Variants in GRM5 observed in about 807,000 individuals in gnomAD.
GRM5 encodes metabotropic glutamate receptor 5.
GRM5 carries 19 observed loss-of-function variants against 83.1 expected under a neutral mutation model. The observed-to-expected ratio is 0.23, with a 90% confidence interval of 0.16 to 0.34. GRM5 has a LOEUF of 0.34. Among genes scored for constraint, GRM5 ranks in the 10% least tolerant of loss-of-function variants. GRM5 has a pLI of 1.00. For synonymous variants in GRM5, 675 were observed against 633.6 expected (o/e 1.07, Z -0.98); for missense variants, 1,160 against 1,588.3 (o/e 0.73, Z 4.58).
Position 88,591,855 on chromosome 11 carries a change from A to T in GRM5, c.1564-1128T>A, listed in dbSNP as rs1172739856. On this transcript the variant is annotated intron_variant, in intron 6 of 9. Coordinates refer to ENST00000305447, the MANE Select transcript of GRM5 (RefSeq NM_001143831.3). ...CTTAGACCTGATTAAAGTATTCTTC[A>T]TAATAATATCGACTATTTCCAGGCT... Among the ~76,000 whole-genome samples the T allele has an allele frequency of 2.6e-5, 4 of 152,368 alleles. No homozygotes were observed. The East Asian group carries it at 7.7e-4, about 29-fold the overall frequency.
chr11:88,932,763 T>C (rs1937756999), intron 2 of GRM5, among the ~76,000 whole-genome samples: 1 of 151,898 alleles, frequency 6.6e-6, no homozygotes, highest in Admixed American at 6.6e-5. Context: ...CTATATCACA[T>C]TGGCTCACTT....
At chr11:88,904,834 C>T (rs967516059) in intron 2 of GRM5, among the ~76,000 whole-genome samples, 7 of 152,050 alleles carry the variant, frequency 4.6e-5, no homozygotes, top group Non-Finnish European at 1.0e-4. Context: ...TAGGGAATAC[C>T]ATTCAATTCA....
intron 2 of GRM5, among the ~76,000 whole-genome samples, chr11:88,875,564 T>C (rs1944839396): frequency 6.6e-6 from 1 of 152,066 alleles, no homozygotes; most frequent in Non-Finnish European, 1.5e-5. Flanking sequence ...TGTTGAATCC[T>C]TTCCCAGAGA....
intron 7 of GRM5, among the ~76,000 whole-genome samples, chr11:88,570,845 G>A (rs1942984407): frequency 6.6e-6 from 1 of 151,332 alleles, no homozygotes; most frequent in Admixed American, 6.6e-5. Context: ...GGGATTACAG[G>A]CATGAGCCAC....
At position 88,564,861 on chromosome 11, in the gene GRM5, C is replaced by T. The variant is rs114929396; in HGVS notation, c.2630+2192G>A. 4.2e-3 allele frequency among the ~76,000 whole-genome samples: 629 copies of T among 151,088 alleles called. 2 individuals are homozygous for T. Among genetic ancestry groups the T allele is most frequent in the African/African-American group, 0.014 (601 of 41,460 alleles). ...GCTGGACAACATGAAGATCGAGATG[C>T]CCTGTAAAACTCAGATTGTATAATC... On this transcript the variant is annotated intron_variant, in intron 8 of 9. Transcript: ENST00000305447.
chr11:88,734,757 A>G (rs1339404967), intron 3 of GRM5, among the ~76,000 whole-genome samples: 1 of 152,102 alleles, frequency 6.6e-6, no homozygotes, highest in Non-Finnish European at 1.5e-5. Context: ...TCTTCAAAAT[A>G]TAACACTTGG....
chr11:89,054,684 A>AT (rs779894314), intron 1 of GRM5, among the ~76,000 whole-genome samples: 1 of 151,930 alleles, frequency 6.6e-6, no homozygotes, highest in Non-Finnish European at 1.5e-5. Flanking sequence ...AGACTGAACG[A>AT]TTTTTTGAAT....
intron 3 of GRM5, among the ~76,000 whole-genome samples, chr11:88,715,298 C>A (rs989820354): frequency 7.9e-5 from 12 of 151,896 alleles, no homozygotes; most frequent in African/African-American, 2.9e-4. Flanking sequence ...GAACGACCTG[C>A]AGAGAGACTT....
At chr11:88,543,105 A>T (rs1942306552) in intron 8 of GRM5, among the ~76,000 whole-genome samples, 2 of 152,216 alleles carry the variant, frequency 1.3e-5, no homozygotes, top group Admixed American at 6.5e-5. Context: ...CTAGAATGAA[A>T]AAATAAATCT....
chr11:88,515,334 T>G (rs1941492683), intron 9 of GRM5, among the ~76,000 whole-genome samples: 1 of 152,144 alleles, frequency 6.6e-6, no homozygotes, highest in African/African-American at 2.4e-5. Context: ...TAACTGGTAT[T>G]AGTTGGTAAA....
chr11:88,553,520 G>T (rs898004759), intron 8 of GRM5, among the ~76,000 whole-genome samples: 2 of 152,084 alleles, frequency 1.3e-5, no homozygotes, highest in East Asian at 3.9e-4. Context: ...GCCAAGTGTG[G>T]TCCTGCTCTC....
chr11:88,701,128 T>TA (rs1565192448), intron 3 of GRM5, among the ~76,000 whole-genome samples: 2 of 152,118 alleles, frequency 1.3e-5, no homozygotes, highest in African/African-American at 4.8e-5. Flanking sequence ...AATAACCTTT[T>TA]AGATTTAGCT....
At chr11:88,938,951 CTG>C (rs1281513169) in intron 2 of GRM5, among the ~76,000 whole-genome samples, 5 of 151,736 alleles carry the variant, frequency 3.3e-5, no homozygotes, top group African/African-American at 7.2e-5. Context: ...CTCTCCATAA[CTG>C]TGAATTTGTA....
intron 3 of GRM5, among the ~76,000 whole-genome samples, chr11:88,765,567 G>C (rs1268054855): frequency 6.6e-6 from 1 of 151,708 alleles, no homozygotes; most frequent in South Asian, 2.1e-4. Flanking sequence ...TTTGAGAAGG[G>C]TGTCAAGACC....
chr11:88,961,213 A>G (rs1214629003), intron 2 of GRM5, among the ~76,000 whole-genome samples: 3 of 152,218 alleles, frequency 2.0e-5, no homozygotes, highest in Non-Finnish European at 2.9e-5. Context: ...GGCACCATAT[A>G]TGAACTCACT....
intron 2 of GRM5, among the ~76,000 whole-genome samples, chr11:88,921,918 C>CAAA (rs59956434): frequency 0.25 from 37,520 of 149,440 alleles, 5,673 homozygotes; most frequent in Non-Finnish European, 0.35. Context: ...AATAAAAATA[C>CAAA]AAAAAAAACC....
In GRM5 at chr11:88,776,534, C is replaced by T. The variant is rs560354552; in HGVS notation, c.911+73372G>A. Among the ~76,000 whole-genome samples the T allele has an allele frequency of 9.9e-5, 15 of 152,270 alleles. 1 individual carries two copies. The South Asian group carries it at 1.2e-3, about 13-fold the overall frequency. On this transcript the variant is annotated intron_variant, in intron 3 of 9. Transcript: ENST00000305447. ...AATTGATGCAGTTTCTTCATAGCAT[C>T]GATGGTCTTTACAATTTGGCACATT...
chr11:88,849,846 C>G lies in GRM5; in HGVS notation c.911+60G>C. 8 of 1,494,682 alleles carry G rather than the reference C, an allele frequency of 5.4e-6. No individual in the cohort carries two copies. In the South Asian group the frequency reaches 7.0e-5, roughly 13 times the overall value. The allele number at this position is 1,494,682 out of a possible 1,614,324, so 92.6% of individuals were successfully genotyped here. A position where few individuals can be genotyped will look rare whatever the true frequency, so the allele number is the denominator to read the frequency against. On this transcript the variant is annotated intron_variant, in intron 3 of 9. Transcript: ENST00000305447. ...TTTTTTATCATACACTAAAAGCTAC[C>G]CTTCAGTGCTGCCAAATTCCTGGTA...
Position 88,928,205 on chromosome 11 carries a change from C to T in GRM5, c.662-78050G>A, listed in dbSNP as rs557749683. Reference sequence around the variant, plus strand: ...AGAAATTTTGGTGTAGGGAAAAGTACGTAAGACCAACATTTAGGAATTCTG... The same window carrying T: ...AGAAATTTTGGTGTAGGGAAAAGTATGTAAGACCAACATTTAGGAATTCTG... On this transcript the variant is annotated intron_variant, in intron 2 of 9. Coordinates refer to ENST00000305447, the MANE Select transcript of GRM5 (RefSeq NM_001143831.3). 1.4e-3 allele frequency among the ~76,000 whole-genome samples: 215 copies of T among 152,032 alleles called. 1 individual carries two copies. Among genetic ancestry groups the T allele is most frequent in the Middle Eastern group, 3.4e-3 (1 of 294 alleles).
Sources: gnomAD v4.1 joint callset for allele counts (sites outside exome capture counted in the v4.1 genomes callset) on GRCh38, gnomAD v4.1.1 for gene constraint, MANE v1.5 for transcripts, NCBI Gene and HGNC (gene_info 2026-07-23, HGNC 2026-07-21) for gene names.